The following DCC variants were observed in gnomAD, a reference collection of about 807,000 sequenced individuals.
DCC encodes the protein DCC netrin 1 receptor, also known as netrin receptor DCC.
In DCC, 58 loss-of-function variants were observed where a neutral mutation model predicts 172.5. The observed-to-expected ratio is 0.34, with a 90% CI of 0.27 to 0.42. DCC has a LOEUF of 0.42. Among genes scored for constraint, DCC ranks in the 10% least tolerant of loss-of-function variants. DCC has a pLI of 1.00. For missense variants in DCC, 1,740 were observed against 1,791.0 expected (o/e 0.97, Z 0.51); for synonymous variants, 709 against 644.5 (o/e 1.10, Z -1.52).
Position 53,157,470 on chromosome 18 carries a change from T to C in DCC, c.1376T>C (p.Ile459Thr), listed in dbSNP as rs2144397576. Residue 459 changes from isoleucine to threonine, a missense_variant, in exon 8 of 29, where the codon ATT becomes ACT. Coordinates refer to ENST00000442544, the MANE Select transcript of DCC (RefSeq NM_005215.4). ...WRPPAEAKGNIQTFTVFFSRE... is the reference protein window; with the variant it reads ...WRPPAEAKGNTQTFTVFFSRE... ...CCACCTGCAGAAGCGAAAGGGAACA[T>C]TCAAACTTTCACGGTCTTTTTCTCC... 6.2e-7 allele frequency: 1 copy of C among 1,614,134 alleles called. No individual in the cohort carries two copies.
intron 15 of DCC, among the ~76,000 whole-genome samples, chr18:53,340,421 AAAG>A (rs767021211): frequency 5.0e-4 from 76 of 151,982 alleles, no homozygotes; most frequent in Non-Finnish European, 9.4e-4. Flanking sequence ...TATGACTGCA[AAAG>A]AAGATGAAAG....
intron 20 of DCC, among the ~76,000 whole-genome samples, chr18:53,413,957 G>A (rs567974285): frequency 1.4e-4 from 22 of 152,176 alleles, no homozygotes; most frequent in Middle Eastern, 3.4e-3. Context: ...GTTCAAAATC[G>A]TATTCCTGTC....
chr18:53,445,070 G>C (rs947815915), intron 22 of DCC, among the ~76,000 whole-genome samples: 1 of 152,080 alleles, frequency 6.6e-6, no homozygotes, highest in Admixed American at 6.5e-5. Context: ...AAATAAATAT[G>C]TTCTGAAACT....
At chr18:53,085,437 T>C (rs1237166137) in intron 7 of DCC, among the ~76,000 whole-genome samples, 1 of 152,142 alleles carries the variant, frequency 6.6e-6, no homozygotes, top group Non-Finnish European at 1.5e-5. Flanking sequence ...CATTATTCTT[T>C]ATGTGTAAGA....
At chr18:53,093,844 C>A (rs111961143) in intron 7 of DCC, among the ~76,000 whole-genome samples, 2,371 of 152,246 alleles carry the variant, frequency 0.016, 53 homozygotes, top group African/African-American at 0.053. Context: ...CAGCGATAAA[C>A]GCCTGACCTT....
intron 2 of DCC, among the ~76,000 whole-genome samples, chr18:52,826,624 G>A (rs569343650): frequency 9.2e-5 from 14 of 152,168 alleles, no homozygotes; most frequent in Non-Finnish European, 1.8e-4. Context: ...GGGACTGTGC[G>A]TGAGCCACCA....
intron 3 of DCC, among the ~76,000 whole-genome samples, chr18:52,912,647 A>G (rs187664450): frequency 2.2e-4 from 34 of 152,178 alleles, no homozygotes; most frequent in African/African-American, 7.9e-4. Flanking sequence ...TGGTTTAGAA[A>G]TAGGAGTCAG....
In DCC at chr18:53,274,571, A is replaced by G. The variant is rs140612725; in HGVS notation, c.1912-31007A>G. Among the ~76,000 whole-genome samples, 98 of 152,296 alleles carry G rather than the reference A, an allele frequency of 6.4e-4. 2 individuals are homozygous for G. Among genetic ancestry groups the G allele is most frequent in the Middle Eastern group, 6.8e-3 (2 of 294 alleles). On this transcript the variant is annotated intron_variant, in intron 12 of 28. Transcript: ENST00000442544. Reference sequence around the variant, plus strand: ...CTCATGATGCCACTGCAAGTTGCATAGGAGAAAACTGAACATATCTACTCC... The same window carrying G: ...CTCATGATGCCACTGCAAGTTGCATGGGAGAAAACTGAACATATCTACTCC...
At chr18:52,718,686 C>T (rs1365141300) in intron 1 of DCC, among the ~76,000 whole-genome samples, 1 of 152,150 alleles carries the variant, frequency 6.6e-6, no homozygotes, top group East Asian at 1.9e-4. Flanking sequence ...GCTTATATCG[C>T]AGAGACGTTG....
At chr18:53,342,824 A>G (rs914508104) in intron 15 of DCC, among the ~76,000 whole-genome samples, 1 of 147,468 alleles carries the variant, frequency 6.8e-6, no homozygotes, top group African/African-American at 2.5e-5. Context: ...TAAATTATGC[A>G]TATATATTTG....
At chr18:53,131,632 T>C (rs1241788942) in intron 7 of DCC, among the ~76,000 whole-genome samples, 1 of 152,102 alleles carries the variant, frequency 6.6e-6, no homozygotes, top group Non-Finnish European at 1.5e-5. Flanking sequence ...ACCTATGACA[T>C]GCCCATCACT....
chr18:53,004,251 A>G (rs980263764), intron 5 of DCC, among the ~76,000 whole-genome samples: 4 of 152,198 alleles, frequency 2.6e-5, no homozygotes, highest in African/African-American at 9.6e-5. Flanking sequence ...TGGAGCTTTT[A>G]TCAGATTTTG....
chr18:53,483,836 A>C (rs572215692), intron 25 of DCC, among the ~76,000 whole-genome samples: 1 of 152,006 alleles, frequency 6.6e-6, no homozygotes, highest in African/African-American at 2.4e-5. Context: ...ACTTAATGAC[A>C]TGAATGGGGC....
intron 5 of DCC, among the ~76,000 whole-genome samples, chr18:52,945,172 C>A (rs903000008): frequency 6.6e-6 from 1 of 152,168 alleles, no homozygotes; most frequent in Admixed American, 6.5e-5. Flanking sequence ...ATTATGCCCC[C>A]AACCTCTGTT....
intron 1 of DCC, among the ~76,000 whole-genome samples, chr18:52,544,083 C>G (rs1014940819): frequency 6.6e-6 from 1 of 152,162 alleles, no homozygotes; most frequent in Non-Finnish European, 1.5e-5. Flanking sequence ...CTTGTGAAAG[C>G]TTTAATTTGG....
intron 2 of DCC, among the ~76,000 whole-genome samples, chr18:52,855,330 T>A (rs758044244): frequency 6.6e-6 from 1 of 152,270 alleles, no homozygotes; most frequent in Non-Finnish European, 1.5e-5. Flanking sequence ...AAGAGTAGAT[T>A]GTTTTGACAT....
At chr18:52,744,967 G>A (rs1242336508) in intron 1 of DCC, among the ~76,000 whole-genome samples, 1 of 152,176 alleles carries the variant, frequency 6.6e-6, no homozygotes, top group Admixed American at 6.5e-5. Flanking sequence ...AGCCCCTTAT[G>A]TGAAGAATCA....
At chr18:53,128,588 T>G (rs947372862) in intron 7 of DCC, among the ~76,000 whole-genome samples, 3 of 151,994 alleles carry the variant, frequency 2.0e-5, no homozygotes, top group Non-Finnish European at 2.9e-5. Flanking sequence ...CTTTTAGCTT[T>G]TGTTTTGCTC....
intron 1 of DCC, among the ~76,000 whole-genome samples, chr18:52,607,510 A>G (rs1222449832): frequency 6.6e-6 from 1 of 152,138 alleles, no homozygotes; most frequent in Non-Finnish European, 1.5e-5. Context: ...TATCTATTTG[A>G]CTGTCTGCCT....
Sources: gnomAD v4.1 joint callset for allele counts (sites outside exome capture counted in the v4.1 genomes callset) on GRCh38, gnomAD v4.1.1 for gene constraint, MANE v1.5 for transcripts, NCBI Gene and HGNC (gene_info 2026-07-23, HGNC 2026-07-21) for gene names.